Variants in SEL1L2 observed in about 807,000 individuals in gnomAD.
The protein encoded by SEL1L2 is SEL1L2 adaptor subunit of SYVN1 ubiquitin ligase.
Under a neutral mutation model 98.8 loss-of-function variants are expected in SEL1L2, and 89 were observed. The ratio of observed to expected loss-of-function variants is 0.90; its 90% CI spans 0.76 to 1.07. SEL1L2 has a LOEUF of 1.07. Ranked by LOEUF, SEL1L2 falls within the 50% of genes least tolerant of loss-of-function variation. The pLI is 0.00. For synonymous variants in SEL1L2, 262 were observed against 278.5 expected (o/e 0.94, Z 0.59); for missense variants, 788 against 812.0 (o/e 0.97, Z 0.36).
At chr20:13,854,161 T>C (rs6042389) in intron 18 of SEL1L2, among the ~76,000 whole-genome samples, 17,286 of 152,252 alleles carry the variant, frequency 0.11, 1,074 homozygotes, top group African/African-American at 0.16. Flanking sequence ...GTCATAATCA[T>C]TTTTATTTTT....
chr20:13,889,432 A>G (rs542532414), intron 5 of SEL1L2, among the ~76,000 whole-genome samples: 4 of 152,368 alleles, frequency 2.6e-5, no homozygotes, highest in African/African-American at 7.2e-5. Flanking sequence ...TATAAATTAT[A>G]GCAATAAAAC....
intron 14 of SEL1L2, 99 bp downstream of exon 14, chr20:13,869,403 TA>T: frequency 1.1e-6 from 1 of 916,292 alleles, no homozygotes; most frequent in Non-Finnish European, 1.8e-6. Flanking sequence ...ATGTTCTGTC[TA>T]AACCACTCAC....
chr20:13,968,356 T>C (rs371579231), intron 1 of SEL1L2, among the ~76,000 whole-genome samples: 7 of 152,228 alleles, frequency 4.6e-5, no homozygotes, highest in South Asian at 2.1e-4. Flanking sequence ...AGTTGAATAA[T>C]TGATGCAATG....
chr20:13,982,604 C>A (rs2051891604), intron 1 of SEL1L2, among the ~76,000 whole-genome samples: 1 of 149,918 alleles, frequency 6.7e-6, no homozygotes, highest in African/African-American at 2.5e-5. Flanking sequence ...AAAATTGTTT[C>A]TAAGAGAGAT....
At chr20:13,983,082 A>C (rs6110115) in intron 1 of SEL1L2, among the ~76,000 whole-genome samples, 68,830 of 137,470 alleles carry the variant, frequency 0.5, 14,609 homozygotes, top group Non-Finnish European at 0.54. Flanking sequence ...AAGAGAGAAA[A>C]AAACACATGA....
chr20:13,922,716 T>C (rs1014628451), intron 3 of SEL1L2, among the ~76,000 whole-genome samples: 4 of 152,250 alleles, frequency 2.6e-5, no homozygotes, highest in Non-Finnish European at 1.5e-5. Flanking sequence ...TTAATTTTTT[T>C]TAGCTCTATA....
chr20:13,850,835 A>G (rs1600432385), intron 18 of SEL1L2, among the ~76,000 whole-genome samples: 1 of 152,184 alleles, frequency 6.6e-6, no homozygotes, highest in Non-Finnish European at 1.5e-5. Context: ...TTAGGTCCCC[A>G]AATTTGTAGT....
intron 4 of SEL1L2, chr20:13,915,291 G>C: frequency 8.0e-7 from 1 of 1,243,492 alleles, no homozygotes; most frequent in Non-Finnish European, 1.0e-6. Context: ...AAAAGAGATA[G>C]AAAACTGGAG....
At chr20:13,957,879 A>G (rs912709116) in intron 1 of SEL1L2, among the ~76,000 whole-genome samples, 3 of 152,216 alleles carry the variant, frequency 2.0e-5, no homozygotes, top group Non-Finnish European at 4.4e-5. Flanking sequence ...CCTGTCTTAA[A>G]TAAATAAATA....
intron 12 of SEL1L2, among the ~76,000 whole-genome samples, chr20:13,874,338 G>A (rs2046339331): frequency 6.6e-6 from 1 of 152,132 alleles, no homozygotes; most frequent in Admixed American, 6.5e-5. Context: ...AAATTGTTCA[G>A]GCGCTGATCA....
At chr20:13,907,766 C>CTTTTCTTTTT (rs2048024774) in intron 5 of SEL1L2, among the ~76,000 whole-genome samples, 1 of 94,692 alleles carries the variant, frequency 1.1e-5, no homozygotes, top group African/African-American at 4.0e-5. Context: ...CTTTTCTTTT[C>CTTTTCTTTTT]TTTTTTTTTC....
Position 13,990,610 on chromosome 20 carries a change from G to C in SEL1L2, c.-76C>G, listed in dbSNP as rs1378270065. Reference sequence around the variant, plus strand: ...TTGGCCCAAGAGCTCCTCTTCTCAGGGACTGTGGTGGGGGCAGGAGTCAGT... The same window carrying C: ...TTGGCCCAAGAGCTCCTCTTCTCAGCGACTGTGGTGGGGGCAGGAGTCAGT... On this transcript the variant is annotated 5_prime_UTR_variant, in exon 1 of 20. Coordinates refer to ENST00000284951, the MANE Select transcript of SEL1L2 (RefSeq NM_025229.2). 2 of 1,131,210 alleles carry C rather than the reference G, an allele frequency of 1.8e-6. No homozygotes were observed. Among genetic ancestry groups the C allele is most frequent in the African/African-American group, 1.6e-5 (1 of 64,050 alleles). The allele number at this position is 1,131,210 out of a possible 1,614,324, so 70.1% of individuals were successfully genotyped here. A position where few individuals can be genotyped will look rare whatever the true frequency, so the allele number is the denominator to read the frequency against.
chr20:13,886,346 T>C lies in SEL1L2; in HGVS notation c.842A>G (p.Asp281Gly). The C allele has an allele frequency of 6.2e-7, 1 of 1,613,376 alleles. No homozygotes were observed. The change falls in exon 9 of 20, where the codon GAT (aspartate) becomes GGT (glycine). Residue 281 changes from aspartate (D) to glycine (G), a missense_variant. Physicochemically the swap from Asp to Gly is moderately conservative, Grantham distance 94. Coordinates refer to ENST00000284951, the MANE Select transcript of SEL1L2 (RefSeq NM_025229.2). ...TTTATAGTATTGGTATATGTCCCAA[T>C]CCAAAATCTCACTGTTAGAACTCAG... Reference protein sequence around the residue: ...ENLSSNSEILDWDIYQYYKFL... With the variant: ...ENLSSNSEILGWDIYQYYKFL...
intron 1 of SEL1L2, among the ~76,000 whole-genome samples, chr20:13,959,463 A>C (rs2050686897): frequency 1.3e-5 from 2 of 152,212 alleles, no homozygotes; most frequent in Admixed American, 1.3e-4. Context: ...CGAAAACTGC[A>C]ACGCCTGAGC....
At chr20:13,891,087 A>G (rs1037191757) in intron 5 of SEL1L2, among the ~76,000 whole-genome samples, 14 of 152,206 alleles carry the variant, frequency 9.2e-5, no homozygotes, top group Non-Finnish European at 1.8e-4. Flanking sequence ...AGGGACAGAG[A>G]GGATATTTGA....
intron 5 of SEL1L2, among the ~76,000 whole-genome samples, chr20:13,892,409 C>T (rs1006042716): frequency 1.3e-5 from 2 of 151,420 alleles, no homozygotes; most frequent in African/African-American, 4.9e-5. Flanking sequence ...GAGATCACAC[C>T]GTTGCACTCC....
At chr20:13,976,056 C>A (rs760424374) in intron 1 of SEL1L2, among the ~76,000 whole-genome samples, 227 of 151,966 alleles carry the variant, frequency 1.5e-3, no homozygotes, top group Non-Finnish European at 2.7e-3. Context: ...GGCTGGAATG[C>A]AGTGGTGCCA....
intron 10 of SEL1L2, among the ~76,000 whole-genome samples, chr20:13,880,643 T>G (rs1214629209): frequency 2.0e-5 from 3 of 152,110 alleles, no homozygotes; most frequent in East Asian, 1.9e-4. Flanking sequence ...CATCCATTCA[T>G]CCATCCTTCC....
intron 1 of SEL1L2, among the ~76,000 whole-genome samples, chr20:13,965,819 G>A (rs539670965): frequency 6.6e-6 from 1 of 152,128 alleles, no homozygotes; most frequent in Admixed American, 6.6e-5. Context: ...TGGGTGTGGT[G>A]GCATGCGCCT....
Sources: gnomAD v4.1 joint callset for allele counts (sites outside exome capture counted in the v4.1 genomes callset) on GRCh38, gnomAD v4.1.1 for gene constraint, MANE v1.5 for transcripts, NCBI Gene and HGNC (gene_info 2026-07-23, HGNC 2026-07-21) for gene names.